Variants in ADAM10 observed in about 807,000 individuals in gnomAD.
ADAM10 encodes the protein ADAM metallopeptidase domain 10.
Under a neutral mutation model 90.1 loss-of-function variants are expected in ADAM10, and 17 were observed. That is an observed-to-expected ratio of 0.19 (90% confidence interval 0.13 to 0.28). The LOEUF is 0.28. Ranked by LOEUF, ADAM10 falls within the 10% of genes least tolerant of loss-of-function variation. The pLI is 1.00. For missense variants in ADAM10, 610 were observed against 914.3 expected, an observed-to-expected ratio of 0.67 and a Z score of 4.29; for synonymous variants, 310 against 298.6, an observed-to-expected ratio of 1.04 and a Z score of -0.40.
chr15:58,641,112 C>T (rs1369652280), intron 7 of ADAM10, 152 bp from the exon 8 acceptor site: 2 of 691,902 alleles, frequency 2.9e-6, no homozygotes, highest in African/African-American at 1.8e-5. Context: ...CCACTGCCCA[C>T]ATCCCTGAGC....
intron 2 of ADAM10, chr15:58,686,486 ATC>A (rs2140762462): frequency 7.1e-7 from 1 of 1,412,438 alleles, no homozygotes. Context: ...CGTGGAGAGG[ATC>A]AATGTCTCTC....
At chr15:58,700,869 A>G (rs1435273047) in intron 2 of ADAM10, among the ~76,000 whole-genome samples, 2 of 151,806 alleles carry the variant, frequency 1.3e-5, no homozygotes, top group Non-Finnish European at 2.9e-5. Context: ...TAAAAAAAAC[A>G]GCCCAGAGCC....
intron 14 of ADAM10, among the ~76,000 whole-genome samples, chr15:58,608,407 T>C (rs1895338053): frequency 6.6e-6 from 1 of 152,200 alleles, no homozygotes; most frequent in Admixed American, 6.5e-5. Context: ...ACTATGCACA[T>C]AAGCAAATGA....
intron 4 of ADAM10, among the ~76,000 whole-genome samples, chr15:58,676,969 T>C (rs1179165419): frequency 2.0e-5 from 3 of 152,248 alleles, no homozygotes; most frequent in Non-Finnish European, 2.9e-5. Context: ...ATTTACTCTC[T>C]GTCCCTCTGC....
At chr15:58,622,923 C>T (rs1408869380) in intron 10 of ADAM10, among the ~76,000 whole-genome samples, 1 of 152,102 alleles carries the variant, frequency 6.6e-6, no homozygotes, top group East Asian at 1.9e-4. Flanking sequence ...ACCATATATC[C>T]CAGTATAGGC....
intron 5 of ADAM10, among the ~76,000 whole-genome samples, chr15:58,646,477 T>C (rs182492132): frequency 5.9e-5 from 9 of 152,290 alleles, no homozygotes; most frequent in South Asian, 2.1e-4. Flanking sequence ...AGTTGTATAA[T>C]AGCTTATACT....
intron 2 of ADAM10, among the ~76,000 whole-genome samples, chr15:58,704,800 G>A (rs367678843): frequency 6.6e-6 from 1 of 152,116 alleles, no homozygotes; most frequent in Admixed American, 6.5e-5. Flanking sequence ...AAGGAGACAC[G>A]ATGAATATTT....
At chr15:58,608,359 G>A (rs1477402295) in intron 14 of ADAM10, among the ~76,000 whole-genome samples, 1 of 152,138 alleles carries the variant, frequency 6.6e-6, no homozygotes, top group Non-Finnish European at 1.5e-5. Flanking sequence ...AACTGGAAGG[G>A]CACTTCCCTA....
chr15:58,652,956 A>T (rs1210620948), intron 5 of ADAM10, among the ~76,000 whole-genome samples: 2 of 152,024 alleles, frequency 1.3e-5, no homozygotes, highest in African/African-American at 4.8e-5. Context: ...GTTAATTCCT[A>T]GGTATGTAAT....
rs1380428444 is a variant in ADAM10, at chr15:58,729,149, G to C, written c.56-11422C>G. Among the ~76,000 whole-genome samples, 6 of 152,056 alleles carry C rather than the reference G, an allele frequency of 3.9e-5. No homozygotes were observed. The East Asian group carries it at 1.2e-3, about 29-fold the overall frequency. On this transcript the variant is annotated intron_variant, in intron 1 of 15. Coordinates refer to ENST00000260408, the MANE Select transcript of ADAM10 (RefSeq NM_001110.4). ...AAGGCAGAAGAACTGCTTGAGCCCA[G>C]GAGTTTGAAACCAGCCTGGGCAACA...
At chr15:58,667,969 T>C (rs1209317805) in intron 4 of ADAM10, among the ~76,000 whole-genome samples, 1 of 151,932 alleles carries the variant, frequency 6.6e-6, no homozygotes, top group Non-Finnish European at 1.5e-5. Context: ...GAGGAGGAAG[T>C]TGAAAATGAC....
chr15:58,703,710 G>C (rs1898195673), intron 2 of ADAM10: 1 of 152,198 alleles, frequency 6.6e-6, no homozygotes, highest in South Asian at 2.1e-4. Flanking sequence ...TTGGTGGGAA[G>C]TGATTGGATC....
intron 11 of ADAM10, among the ~76,000 whole-genome samples, chr15:58,618,077 G>A (rs1179271425): frequency 2.0e-5 from 3 of 151,938 alleles, no homozygotes; most frequent in Admixed American, 1.3e-4. Flanking sequence ...GAAGCCAATA[G>A]CCAAAAGAAT....
chr15:58,699,306 T>A (rs766265958), intron 2 of ADAM10, among the ~76,000 whole-genome samples: 2 of 152,128 alleles, frequency 1.3e-5, no homozygotes, highest in South Asian at 2.1e-4. Flanking sequence ...GAATTCTGCA[T>A]CTGGAAGCAA....
At chr15:58,721,755 T>C (rs1898861797) in intron 1 of ADAM10, among the ~76,000 whole-genome samples, 1 of 152,070 alleles carries the variant, frequency 6.6e-6, no homozygotes, top group Non-Finnish European at 1.5e-5. Flanking sequence ...TGGCCGGGTG[T>C]GGTAGTTCAC....
At position 58,665,207 on chromosome 15, in the gene ADAM10, AAAG is replaced by A. The variant is rs1897052495; in HGVS notation, c.485-13_485-11del. ...TATTTATGGGGATAGTCTAAAATAC[AAAG>A]AAGAAACGTCATTACTATCACACAT... On this transcript the variant is annotated splice_polypyrimidine_tract_variant and intron_variant, in intron 4 of 15. Coordinates refer to ENST00000260408, the MANE Select transcript of ADAM10 (RefSeq NM_001110.4). 1 of 1,578,930 alleles carries A rather than the reference AAAG, an allele frequency of 6.3e-7. No individual in the cohort carries two copies. Among genetic ancestry groups the A allele is most frequent in the African/African-American group, 1.3e-5 (1 of 74,096 alleles).
At chr15:58,645,924 T>C (rs752516261) in intron 6 of ADAM10, 131 bp downstream of exon 6, 116 of 950,364 alleles carry the variant, frequency 1.2e-4, no homozygotes, top group Non-Finnish European at 8.6e-5. Flanking sequence ...TCTTACACAT[T>C]TTATCACATC....
intron 4 of ADAM10, chr15:58,676,230 G>C: frequency 2.2e-6 from 1 of 451,956 alleles, no homozygotes; most frequent in South Asian, 1.6e-5. Flanking sequence ...AGAGCACAGG[G>C]TAAAGAACAG....
At chr15:58,709,563 A>C in intron 2 of ADAM10, among the ~76,000 whole-genome samples, 1 of 151,796 alleles carries the variant, frequency 6.6e-6, no homozygotes, top group South Asian at 2.1e-4. Context: ...ACATAGTGAA[A>C]CCCCCATCTC....
Sources: gnomAD v4.1 joint callset for allele counts (sites outside exome capture counted in the v4.1 genomes callset) on GRCh38, gnomAD v4.1.1 for gene constraint, MANE v1.5 for transcripts, NCBI Gene and HGNC (gene_info 2026-07-23, HGNC 2026-07-21) for gene names.